The following STRN3 variants were observed in gnomAD, a reference collection of about 807,000 sequenced individuals.
STRN3 encodes striatin 3, also known as striatin-3.
A neutral mutation model predicts 95.6 loss-of-function variants in STRN3; 29 were observed. The observed-to-expected ratio is 0.30, with a 90% CI of 0.23 to 0.41. The LOEUF (loss-of-function observed/expected upper bound fraction) is 0.41. STRN3 is among the 10% of genes least tolerant of loss of function. STRN3 has a pLI of 1.00. For synonymous variants in STRN3, 331 were observed against 357.6 expected (o/e 0.93, Z 0.84); for missense variants, 890 against 972.1 (o/e 0.92, Z 1.12).
intron 1 of STRN3, among the ~76,000 whole-genome samples, chr14:31,004,884 T>G (rs745917656): frequency 3.3e-5 from 5 of 152,050 alleles, no homozygotes; most frequent in Admixed American, 6.6e-5. Flanking sequence ...TTTGCCAAGG[T>G]TAAGGACATG....
chr14:30,958,131 A>C (rs975587427), intron 1 of STRN3, among the ~76,000 whole-genome samples: 6 of 152,172 alleles, frequency 3.9e-5, no homozygotes, highest in African/African-American at 1.4e-4. Flanking sequence ...TTGGCAAGAC[A>C]GCGAGACCCT....
chr14:30,955,580 G>C (rs1879859123), intron 3 of STRN3, 40 bp downstream of exon 3: 1 of 1,479,702 alleles, frequency 6.8e-7, no homozygotes, highest in Admixed American at 2.3e-5. Context: ...CATAAAAAAT[G>C]AATTAAAAAA....
At chr14:30,957,078 A>C (rs1879946693) in intron 1 of STRN3, among the ~76,000 whole-genome samples, 1 of 152,170 alleles carries the variant, frequency 6.6e-6, no homozygotes, top group South Asian at 2.1e-4. Context: ...GAATCGCTTG[A>C]ACCTGGGAGG....
At chr14:30,913,878 ATTAT>A (rs1896669406) in intron 9 of STRN3, among the ~76,000 whole-genome samples, 1 of 152,188 alleles carries the variant, frequency 6.6e-6, no homozygotes, top group Non-Finnish European at 1.5e-5. Context: ...CACTAGATAT[ATTAT>A]TCTGGGGTGG....
At chr14:30,906,700 C>T (rs1229332629) in intron 14 of STRN3, among the ~76,000 whole-genome samples, 177 bp downstream of exon 14, 3 of 152,082 alleles carry the variant, frequency 2.0e-5, no homozygotes, top group African/African-American at 7.2e-5. Flanking sequence ...CATTGCACTA[C>T]AGGACATAGT....
intron 1 of STRN3, among the ~76,000 whole-genome samples, chr14:31,022,330 A>C (rs549995636): frequency 6.6e-6 from 1 of 151,760 alleles, no homozygotes; most frequent in African/African-American, 2.4e-5. Context: ...CAGTGAGCCA[A>C]GATGGTGCCA....
At chr14:30,972,127 A>G (rs1465647582) in intron 1 of STRN3, among the ~76,000 whole-genome samples, 1 of 152,140 alleles carries the variant, frequency 6.6e-6, no homozygotes, top group Non-Finnish European at 1.5e-5. Flanking sequence ...TTTAAACTTA[A>G]ACTTCCTCGT....
rs1896810848 is a variant in STRN3, at chr14:30,918,975, C to T, written c.1231G>A (p.Ala411Thr). ...TAGCTAAATTTTGTACCTTCCTCTG[C>T]TCTTGCACCTTCATGATCAGTCATT... Reference protein sequence around the residue: ...TRMTDHEGARAEEAEPITFPS... With the variant: ...TRMTDHEGARTEEAEPITFPS... The change falls in exon 9 of 18, where the codon GCA becomes ACA. Residue 411 changes from alanine to threonine, a missense_variant. By Grantham distance (58) the Ala-to-Thr change is moderately conservative. Coordinates refer to ENST00000357479, the MANE Select transcript of STRN3 (RefSeq NM_001083893.2). 1 of 1,581,626 alleles carries T rather than the reference C, an allele frequency of 6.3e-7. No homozygotes were observed. The highest frequency in any genetic ancestry group is 8.6e-7 in the Non-Finnish European group (1 of 1,162,612).
At chr14:30,951,290 C>G (rs901244057) in intron 3 of STRN3, among the ~76,000 whole-genome samples, 1 of 152,020 alleles carries the variant, frequency 6.6e-6, no homozygotes, top group Non-Finnish European at 1.5e-5. Flanking sequence ...GCCTGGAGTA[C>G]AGTGGCACCA....
chr14:30,950,855 T>C lies in STRN3; in HGVS notation c.542+8A>G, dbSNP rs771438375. 31 of 1,612,794 alleles carry C rather than the reference T, an allele frequency of 1.9e-5. No individual in the cohort carries two copies. The highest frequency in any genetic ancestry group is 2.6e-5 in the Non-Finnish European group (31 of 1,179,122). Reference sequence around the variant, plus strand: ...CTTAAAGAAGGTTGAAAATAAGTAATTACTCACTGTCTTAAAAGCTGTCTG... The same window carrying C: ...CTTAAAGAAGGTTGAAAATAAGTAACTACTCACTGTCTTAAAAGCTGTCTG... On this transcript the variant is annotated splice_region_variant and intron_variant, in intron 4 of 17. Transcript: ENST00000357479.
At chr14:30,989,867 T>C (rs1881870036) in intron 1 of STRN3, among the ~76,000 whole-genome samples, 1 of 151,986 alleles carries the variant, frequency 6.6e-6, no homozygotes, top group Non-Finnish European at 1.5e-5. Flanking sequence ...AGTTTCCATA[T>C]CTATGAAATG....
At chr14:31,000,959 C>T (rs1658562084) in intron 1 of STRN3, among the ~76,000 whole-genome samples, 2 of 151,974 alleles carry the variant, frequency 1.3e-5, no homozygotes, top group African/African-American at 4.8e-5. Context: ...GACTTGGTAA[C>T]AATAAAGAAC....
At chr14:31,018,382 T>C (rs1883344130) in intron 1 of STRN3, 1 of 345,036 alleles carries the variant, frequency 2.9e-6, no homozygotes, top group Non-Finnish European at 5.6e-6. Context: ...CAAAGAAATG[T>C]GTGTTGAATG....
intron 8 of STRN3, among the ~76,000 whole-genome samples, chr14:30,925,236 G>T (rs1384275432): frequency 1.3e-5 from 2 of 150,976 alleles, no homozygotes; most frequent in African/African-American, 4.9e-5. Flanking sequence ...GGAGGGGGCG[G>T]GCAGGGGGGT....
intron 8 of STRN3, among the ~76,000 whole-genome samples, chr14:30,925,115 A>ATTG (rs1896990579): frequency 6.6e-6 from 1 of 152,066 alleles, no homozygotes; most frequent in Non-Finnish European, 1.5e-5. Context: ...TAATAAGATA[A>ATTG]AGTGCATCTC....
Position 30,935,071 on chromosome 14 carries a change from T to C in STRN3, c.988+92A>G, listed in dbSNP as rs9322868. The stretch of plus-strand genomic sequence containing the variant: ...TGCTCTCCGTTTAACTGCCACCATA[T>C]ATTTATACACACATTCCACATATAA... On this transcript the variant is annotated intron_variant, in intron 7 of 17. Transcript: ENST00000357479. 0.85 allele frequency: 1,252,075 copies of C among 1,471,892 alleles called. 534,713 individuals carry two copies. Among genetic ancestry groups the C allele is most frequent in the Non-Finnish European group, 0.87 (958,051 of 1,097,900 alleles). 91.2% of individuals were successfully genotyped at this position (1,471,892 alleles called of 1,614,324 possible).
At chr14:30,980,437 T>C (rs1017640379) in intron 1 of STRN3, among the ~76,000 whole-genome samples, 5 of 152,110 alleles carry the variant, frequency 3.3e-5, no homozygotes, top group Admixed American at 6.6e-5. Context: ...AGATGGAGTG[T>C]TGCTCTGTCA....
rs541589910 is a variant in STRN3, at chr14:30,947,091, T to C, written c.715A>G (p.Arg239Gly). 113 of 1,587,192 alleles carry C rather than the reference T, an allele frequency of 7.1e-5. No individual in the cohort carries two copies. Among genetic ancestry groups the C allele is most frequent in the Non-Finnish European group, 9.4e-5 (110 of 1,169,584 alleles). The change falls in exon 5 of 18, where the codon AGG becomes GGG. Residue 239 changes from arginine to glycine, a missense_variant and splice_region_variant. Coordinates refer to ENST00000357479, the MANE Select transcript of STRN3 (RefSeq NM_001083893.2). The part of the protein sequence containing the change: ...SPKQKGQEIK[R>G]SSGDVLETFN... ...AACTATGTTAAGTATAAATCATACC[T>C]TTTTATTTCTTGTCCCTTTTGCTTA...
At chr14:30,984,630 T>C (rs1375955203) in intron 1 of STRN3, among the ~76,000 whole-genome samples, 1 of 151,886 alleles carries the variant, frequency 6.6e-6, no homozygotes, top group Non-Finnish European at 1.5e-5. Flanking sequence ...ATACAAAAAT[T>C]AGCTGGGCGT....
Sources: gnomAD v4.1 joint callset for allele counts (sites outside exome capture counted in the v4.1 genomes callset) on GRCh38, gnomAD v4.1.1 for gene constraint, MANE v1.5 for transcripts, NCBI Gene and HGNC (gene_info 2026-07-23, HGNC 2026-07-21) for gene names.